PRKCB: variants seen among roughly 807,000 people sequenced by gnomAD.
PRKCB encodes protein kinase C beta type.
Under a neutral mutation model 81.5 loss-of-function variants are expected in PRKCB, and 13 were observed. The observed-to-expected ratio is 0.16, with a 90% confidence interval of 0.10 to 0.25. PRKCB has a LOEUF of 0.25. Ranked by LOEUF, PRKCB falls within the 10% of genes least tolerant of loss-of-function variation. The probability of loss-of-function intolerance (pLI) is 1.00; values close to 1 mark genes in which losing one functional copy is unlikely to be tolerated. For missense variants in PRKCB, 509 were observed against 875.7 expected (o/e 0.58, Z 5.29); for synonymous variants, 335 against 321.4 (o/e 1.04, Z -0.45).
At chr16:24,068,670 T>C (rs140635726) in intron 5 of PRKCB, among the ~76,000 whole-genome samples, 189 of 152,328 alleles carry the variant, frequency 1.2e-3, no homozygotes, top group African/African-American at 4.5e-3. Context: ...TAGAGTGGTA[T>C]AATTATGTAA....
chr16:23,867,250 T>C (rs555776426), intron 2 of PRKCB, among the ~76,000 whole-genome samples: 12 of 152,118 alleles, frequency 7.9e-5, no homozygotes, highest in Non-Finnish European at 1.5e-4. Flanking sequence ...CTTAGCCTCC[T>C]TAGTAGCTGG....
intron 2 of PRKCB, among the ~76,000 whole-genome samples, chr16:23,909,919 AT>A: frequency 6.6e-6 from 1 of 152,220 alleles, no homozygotes; most frequent in African/African-American, 2.4e-5. Context: ...TCATGATCTA[AT>A]CACCTCCCAA....
chr16:23,927,451 T>C (rs1035809807), intron 2 of PRKCB, among the ~76,000 whole-genome samples: 1 of 152,092 alleles, frequency 6.6e-6, no homozygotes, highest in Non-Finnish European at 1.5e-5. Context: ...TGAAAGAGTG[T>C]GTACATTTTA....
intron 2 of PRKCB, among the ~76,000 whole-genome samples, chr16:23,881,822 C>A (rs896150996): frequency 6.6e-6 from 1 of 151,892 alleles, no homozygotes; most frequent in Non-Finnish European, 1.5e-5. Context: ...GCAATAACTT[C>A]CCATTTCTTC....
chr16:23,974,189 T>G (rs909812707), intron 2 of PRKCB, among the ~76,000 whole-genome samples: 4 of 151,936 alleles, frequency 2.6e-5, no homozygotes, highest in African/African-American at 4.8e-5. Context: ...GGGTAAGGGA[T>G]GCAGGCACAT....
At chr16:24,135,310 C>CTTTTTTTTT (rs33975464) in intron 9 of PRKCB, among the ~76,000 whole-genome samples, 2 of 112,276 alleles carry the variant, frequency 1.8e-5, no homozygotes, top group Non-Finnish European at 3.5e-5. Flanking sequence ...CTCAGTGTCC[C>CTTTTTTTTT]TTTTTTTTTT....
chr16:23,920,830 A>C (rs952140072), intron 2 of PRKCB, among the ~76,000 whole-genome samples: 1 of 152,234 alleles, frequency 6.6e-6, no homozygotes, highest in African/African-American at 2.4e-5. Flanking sequence ...TGCCTTCTAC[A>C]TACAGAGTGT....
At chr16:24,190,565 T>A (rs1369316046) in intron 15 of PRKCB, among the ~76,000 whole-genome samples, 6 of 149,502 alleles carry the variant, frequency 4.0e-5, no homozygotes, top group Admixed American at 6.7e-5. Flanking sequence ...GTCGCCAGAC[T>A]GTAGAGTGCA....
intron 16 of PRKCB, among the ~76,000 whole-genome samples, chr16:24,197,736 C>A (rs969779336): frequency 6.6e-6 from 1 of 152,082 alleles, no homozygotes; most frequent in African/African-American, 2.4e-5. Context: ...TGAGAACCCC[C>A]AAGTTGGCAT....
Position 23,865,973 on chromosome 16 carries a change from G to A in PRKCB, c.205+28567G>A, listed in dbSNP as rs9806908. Among the ~76,000 whole-genome samples, 757 of 152,218 alleles carry A rather than the reference G, an allele frequency of 5.0e-3. 9 individuals are homozygous for A. The highest frequency in any genetic ancestry group is 0.017 in the African/African-American group (688 of 41,522). ...TGGTCAAATTGCCCCCGGGCTCTAT[G>A]GGATCCTGTGGGATTCTATCCTTTG... On this transcript the variant is annotated intron_variant, in intron 2 of 16. Transcript: ENST00000643927.
At chr16:23,929,039 G>A (rs1402441656) in intron 2 of PRKCB, among the ~76,000 whole-genome samples, 1 of 152,026 alleles carries the variant, frequency 6.6e-6, no homozygotes, top group Non-Finnish European at 1.5e-5. Context: ...TTAAGGAGAT[G>A]TTTTGTCAGA....
At chr16:23,875,726 CACAT>C (rs71922460) in intron 2 of PRKCB, among the ~76,000 whole-genome samples, 16,813 of 72,778 alleles carry the variant, frequency 0.23, 4,510 homozygotes, top group African/African-American at 0.33. Context: ...ATGTATATCA[CACAT>C]ATATATGTAT....
intron 12 of PRKCB, among the ~76,000 whole-genome samples, chr16:24,178,695 GA>G (rs1445262600): frequency 6.6e-6 from 1 of 152,222 alleles, no homozygotes; most frequent in Non-Finnish European, 1.5e-5. Context: ...CAGCACCACG[GA>G]CAGCGCCAAA....
chr16:24,019,045 A>G (rs1039464090), intron 3 of PRKCB, among the ~76,000 whole-genome samples: 3 of 152,216 alleles, frequency 2.0e-5, no homozygotes, highest in African/African-American at 7.2e-5. Context: ...TGTAATACCC[A>G]GATAAACCCT....
intron 2 of PRKCB, among the ~76,000 whole-genome samples, chr16:23,848,270 G>A (rs1296161049): frequency 6.6e-6 from 1 of 152,160 alleles, no homozygotes; most frequent in Non-Finnish European, 1.5e-5. Flanking sequence ...TTGAAAAAGA[G>A]GAGCATGAGA....
chr16:23,916,681 A>C (rs1218587612), intron 2 of PRKCB, among the ~76,000 whole-genome samples: 8 of 152,206 alleles, frequency 5.3e-5, no homozygotes, highest in African/African-American at 1.7e-4. Flanking sequence ...ACGTACATTC[A>C]AATGTTAGCT....
intron 2 of PRKCB, among the ~76,000 whole-genome samples, chr16:23,982,427 C>A (rs1284786545): frequency 6.8e-6 from 1 of 146,068 alleles, no homozygotes; most frequent in Non-Finnish European, 1.5e-5. Flanking sequence ...CTTCTCTTTT[C>A]TTTTTTTTCT....
At chr16:24,045,440 A>G (rs1965752053) in intron 5 of PRKCB, among the ~76,000 whole-genome samples, 1 of 152,032 alleles carries the variant, frequency 6.6e-6, no homozygotes. Flanking sequence ...TGAGTCGCAT[A>G]TGTTCTGGGA....
At chr16:24,165,815 T>C (rs1967333761) in intron 10 of PRKCB, among the ~76,000 whole-genome samples, 1 of 152,040 alleles carries the variant, frequency 6.6e-6, no homozygotes, top group Non-Finnish European at 1.5e-5. Context: ...AAAAATACTT[T>C]TAAAATAAGT....
Sources: gnomAD v4.1 joint callset for allele counts (sites outside exome capture counted in the v4.1 genomes callset) on GRCh38, gnomAD v4.1.1 for gene constraint, MANE v1.5 for transcripts, NCBI Gene and HGNC (gene_info 2026-07-23, HGNC 2026-07-21) for gene names.